The following AGBL4 variants were observed in gnomAD, a reference collection of about 807,000 sequenced individuals.
AGBL4 encodes cytosolic carboxypeptidase 6.
A neutral mutation model predicts 66.4 loss-of-function variants in AGBL4; 58 were observed. The observed-to-expected ratio is 0.87, with a 90% CI of 0.71 to 1.09. The LOEUF is 1.09. Ranked by LOEUF, AGBL4 falls within the 50% of genes least tolerant of loss-of-function variation. AGBL4 has a pLI of 0.00. For missense variants in AGBL4, 579 were observed against 631.0 expected, an observed-to-expected ratio of 0.92 and a Z score of 0.88; for synonymous variants, 234 against 222.9, an observed-to-expected ratio of 1.05 and a Z score of -0.44.
chr1:49,012,519 T>C (rs1662519916), intron 5 of AGBL4, among the ~76,000 whole-genome samples: 1 of 152,162 alleles, frequency 6.6e-6, no homozygotes, highest in South Asian at 2.1e-4. Flanking sequence ...GGAGTTCCAA[T>C]TCACTCTTAC....
rs370814997 is a variant in AGBL4, at chr1:49,916,936, T to C, written c.35-65418A>G. On this transcript the variant is annotated intron_variant, in intron 1 of 13. Coordinates refer to ENST00000371839, the MANE Select transcript of AGBL4 (RefSeq NM_032785.4). ...GAGAGTGGGGGCCAATATTCAACAT[T>C]CTTAAAGAAAAGAATTTTCAACCTA... Among the ~76,000 whole-genome samples the C allele has an allele frequency of 1.6e-4, 24 of 152,248 alleles. 1 individual carries two copies. The East Asian group carries it at 1.9e-3, about 12-fold the overall frequency.
chr1:49,280,097 C>T (rs1364887022), intron 3 of AGBL4, among the ~76,000 whole-genome samples: 2 of 152,084 alleles, frequency 1.3e-5, no homozygotes, highest in African/African-American at 4.8e-5. Flanking sequence ...GCACCAATGG[C>T]TCCACTTGGA....
At chr1:49,822,452 C>T (rs1645394778) in intron 2 of AGBL4, among the ~76,000 whole-genome samples, 1 of 152,032 alleles carries the variant, frequency 6.6e-6, no homozygotes, top group African/African-American at 2.4e-5. Flanking sequence ...CCTTAGCCTC[C>T]TGAGTAGCTA....
intron 1 of AGBL4, among the ~76,000 whole-genome samples, chr1:49,957,038 A>C (rs1656667381): frequency 6.6e-6 from 1 of 152,008 alleles, no homozygotes; most frequent in South Asian, 2.1e-4. Context: ...ATGAATGTAC[A>C]GCATCAACTA....
chr1:49,693,482 T>C (rs1252147480), intron 3 of AGBL4, among the ~76,000 whole-genome samples: 2 of 152,030 alleles, frequency 1.3e-5, no homozygotes, highest in African/African-American at 4.8e-5. Flanking sequence ...AAGCAAAACA[T>C]GAAAATGTAT....
intron 3 of AGBL4, among the ~76,000 whole-genome samples, chr1:49,271,584 G>T (rs370876318): frequency 6.7e-6 from 1 of 149,702 alleles, no homozygotes; most frequent in Non-Finnish European, 1.5e-5. Context: ...TACTTTTGAC[G>T]TTCTCTCTTT....
intron 2 of AGBL4, 50 bp downstream of exon 2, chr1:49,851,346 G>T (rs1646298752): frequency 6.7e-7 from 1 of 1,485,948 alleles, no homozygotes; most frequent in Non-Finnish European, 8.9e-7. Context: ...TCTGAAAAAA[G>T]AAATGCCTTA....
At chr1:48,991,725 A>G (rs1011874535) in intron 5 of AGBL4, among the ~76,000 whole-genome samples, 1 of 151,860 alleles carries the variant, frequency 6.6e-6, no homozygotes, top group African/African-American at 2.4e-5. Flanking sequence ...CCTTTCTTCA[A>G]GCTCACTAAT....
chr1:48,661,005 G>C (rs1418234797), intron 7 of AGBL4, among the ~76,000 whole-genome samples: 1 of 152,162 alleles, frequency 6.6e-6, no homozygotes, highest in Non-Finnish European at 1.5e-5. Context: ...GTTCAACGCA[G>C]CATTTTTTCC....
At chr1:49,966,644 G>T (rs1657587707) in intron 1 of AGBL4, among the ~76,000 whole-genome samples, 1 of 151,954 alleles carries the variant, frequency 6.6e-6, no homozygotes, top group South Asian at 2.1e-4. Flanking sequence ...GTTTATTCTA[G>T]TATAAAATGG....
chr1:49,431,314 A>G (rs1299240922), intron 3 of AGBL4, among the ~76,000 whole-genome samples: 2 of 152,226 alleles, frequency 1.3e-5, no homozygotes, highest in African/African-American at 2.4e-5. Context: ...TATTAACTCA[A>G]TGCCTCATTT....
At chr1:49,100,644 T>C (rs1398310224) in intron 4 of AGBL4, among the ~76,000 whole-genome samples, 1 of 152,026 alleles carries the variant, frequency 6.6e-6, no homozygotes, top group Non-Finnish European at 1.5e-5. Context: ...AGGCCAGAGA[T>C]TGTAAGTCCA....
chr1:50,013,595 T>G (rs1661713730), intron 1 of AGBL4, among the ~76,000 whole-genome samples: 1 of 152,216 alleles, frequency 6.6e-6, no homozygotes, highest in Admixed American at 6.5e-5. Context: ...TCACTGCTAT[T>G]CTTGTGATGG....
At chr1:49,619,658 C>A (rs371737086) in intron 3 of AGBL4, among the ~76,000 whole-genome samples, 1 of 151,990 alleles carries the variant, frequency 6.6e-6, no homozygotes, top group African/African-American at 2.4e-5. Flanking sequence ...GTCTGTATAG[C>A]GAAGACAATC....
At chr1:49,412,770 A>G (rs981013254) in intron 3 of AGBL4, among the ~76,000 whole-genome samples, 1 of 152,222 alleles carries the variant, frequency 6.6e-6, no homozygotes, top group South Asian at 2.1e-4. Flanking sequence ...ATTAAAGAGT[A>G]TAAATGAGAA....
chr1:49,691,698 T>G (rs1466910980), intron 3 of AGBL4, among the ~76,000 whole-genome samples: 2 of 152,074 alleles, frequency 1.3e-5, no homozygotes, highest in Non-Finnish European at 2.9e-5. Context: ...GAGATTAACA[T>G]TTGAGTCAGT....
chr1:49,866,009 A>G, intron 1 of AGBL4: 1 of 309,042 alleles, frequency 3.2e-6, no homozygotes, highest in Non-Finnish European at 6.6e-6. Flanking sequence ...AAAGAATTTC[A>G]GAGCTTCAAG....
At chr1:49,522,528 G>T (rs898056570) in intron 3 of AGBL4, among the ~76,000 whole-genome samples, 32 of 152,006 alleles carry the variant, frequency 2.1e-4, no homozygotes, top group African/African-American at 7.5e-4. Context: ...CTAGTGCCTG[G>T]TTTTGCTCAA....
At chr1:48,986,338 C>T (rs1571164403) in intron 5 of AGBL4, among the ~76,000 whole-genome samples, 1 of 151,872 alleles carries the variant, frequency 6.6e-6, no homozygotes, top group South Asian at 2.1e-4. Flanking sequence ...GCACAAAAAA[C>T]ATGAAGAAAA....
Sources: allele counts gnomAD v4.1 joint callset (sites outside exome capture counted in the v4.1 genomes callset), GRCh38; gene constraint gnomAD v4.1.1; transcripts MANE v1.5; gene names NCBI Gene and HGNC (gene_info 2026-07-23, HGNC 2026-07-21).